Variants in MYH15 observed in about 807,000 individuals in gnomAD.
MYH15 encodes myosin heavy chain 15.
In MYH15, 227 loss-of-function variants were observed where a neutral mutation model predicts 240.5. The ratio of observed to expected loss-of-function variants is 0.94; its 90% CI spans 0.85 to 1.05. The LOEUF (loss-of-function observed/expected upper bound fraction) is 1.05. Ranked by LOEUF, MYH15 falls within the 50% of genes least tolerant of loss-of-function variation. The probability of loss-of-function intolerance (pLI) is 0.00; values close to 1 mark genes in which losing one functional copy is unlikely to be tolerated. For missense variants in MYH15, 2,217 were observed against 2,247.5 expected (o/e 0.99, Z 0.27); for synonymous variants, 785 against 796.7 (o/e 0.99, Z 0.25).
intron 5 of MYH15, among the ~76,000 whole-genome samples, chr3:108,498,596 A>C (rs967784886): frequency 1.3e-5 from 2 of 152,206 alleles, no homozygotes; most frequent in Non-Finnish European, 2.9e-5. Flanking sequence ...TTTGACAACC[A>C]GCTAACTTTG....
chr3:108,387,677 C>T (rs184934984), intron 38 of MYH15, among the ~76,000 whole-genome samples: 77 of 152,320 alleles, frequency 5.1e-4, no homozygotes, highest in African/African-American at 1.8e-3. Context: ...TCTCCACCTT[C>T]CTCAAAGTAG....
chr3:108,486,630 T>G, intron 9 of MYH15, 104 bp from the exon 10 acceptor site: 1 of 633,940 alleles, frequency 1.6e-6, no homozygotes, highest in African/African-American at 1.8e-5. Flanking sequence ...ATATCATACT[T>G]GTAAACAAGC....
At chr3:108,546,804 T>C in the MYH15 span, among the ~76,000 whole-genome samples, 1 of 152,102 alleles carries the variant, frequency 6.6e-6, no homozygotes, top group South Asian at 2.1e-4. Flanking sequence ...TGGGGTAGTT[T>C]TGAAATATTT....
At position 108,401,031 on chromosome 3, in the gene MYH15, C is replaced by T. The variant is rs1428158978; in HGVS notation, c.4737-1764G>A. 2.0e-5 allele frequency among the ~76,000 whole-genome samples: 3 copies of T among 152,162 alleles called. No homozygotes were observed. In the South Asian group the frequency reaches 6.2e-4, roughly 32 times the overall value. ...CTGCCAACCCCATCTCCCTGGTCCT[C>T]ACAAGCTGAGGTTGGTATCTCATGC... On this transcript the variant is annotated intron_variant, in intron 33 of 40. Coordinates refer to ENST00000693548, the MANE Select transcript of MYH15 (RefSeq NM_014981.3).
chr3:108,393,950 C>G (rs2082439545), intron 36 of MYH15, 81 bp downstream of exon 36: 1 of 1,583,226 alleles, frequency 6.3e-7, no homozygotes, highest in African/African-American at 1.4e-5. Flanking sequence ...TACTTTTTGG[C>G]TGCAGATGTG....
upstream of MYH15, among the ~76,000 whole-genome samples, chr3:108,511,724 G>A (rs767945434): frequency 1.3e-5 from 2 of 152,186 alleles, no homozygotes; most frequent in Non-Finnish European, 2.9e-5. Flanking sequence ...GCTTAGCTCA[G>A]GTGCTGTCTT....
In MYH15 at chr3:108,381,514, TC is replaced by T. The variant is rs754075706; in HGVS notation, c.*30del. 4 of 1,612,506 alleles carry T rather than the reference TC, an allele frequency of 2.5e-6. No individual in the cohort carries two copies. In the Admixed American group the frequency reaches 6.7e-5, roughly 27 times the overall value. ...TGAAACAGCACCTTCCTTGTACTTC[TC>T]CAGCTGTTGTCCTTTCAAAGCAGGG... On this transcript the variant is annotated 3_prime_UTR_variant, in exon 41 of 41. Coordinates refer to ENST00000693548, the MANE Select transcript of MYH15 (RefSeq NM_014981.3).
At chr3:108,457,704 G>T (rs577866854) in intron 18 of MYH15, among the ~76,000 whole-genome samples, 2 of 151,960 alleles carry the variant, frequency 1.3e-5, no homozygotes, top group Non-Finnish European at 2.9e-5. Flanking sequence ...TTCTATACTC[G>T]AATCCCTTTC....
chr3:108,525,510 C>CT, intron 1 of MYH15, among the ~76,000 whole-genome samples: 1 of 152,162 alleles, frequency 6.6e-6, no homozygotes, highest in South Asian at 2.1e-4. Context: ...ACATCTGATG[C>CT]TTTTAGCAAT....
intron 16 of MYH15, among the ~76,000 whole-genome samples, chr3:108,460,634 T>C (rs2083064187): frequency 6.6e-6 from 1 of 152,118 alleles, no homozygotes; most frequent in Admixed American, 6.6e-5. Flanking sequence ...AAAATAAAAT[T>C]CATCAACAAA....
At chr3:108,436,530 T>C (rs1267711925) in intron 25 of MYH15, among the ~76,000 whole-genome samples, 4 of 152,196 alleles carry the variant, frequency 2.6e-5, no homozygotes, top group African/African-American at 9.6e-5. Context: ...ACCATTGATA[T>C]ACTACTATCT....
chr3:108,441,534 G>A (rs1418056517), intron 22 of MYH15, among the ~76,000 whole-genome samples: 1 of 152,108 alleles, frequency 6.6e-6, no homozygotes, highest in Non-Finnish European at 1.5e-5. Flanking sequence ...AATCCTGGTG[G>A]CCTAAAGGAG....
intron 25 of MYH15, among the ~76,000 whole-genome samples, chr3:108,436,362 A>T (rs1418499071): frequency 6.6e-6 from 1 of 152,150 alleles, no homozygotes; most frequent in East Asian, 1.9e-4. Flanking sequence ...CGCTTGTTTC[A>T]TCGTTTCTAA....
chr3:108,457,894 C>T (rs538490937), intron 18 of MYH15, among the ~76,000 whole-genome samples: 4 of 152,078 alleles, frequency 2.6e-5, no homozygotes, highest in East Asian at 3.9e-4. Context: ...ATTAGCCAGG[C>T]GTGGTGGTAC....
At chr3:108,512,617 G>A (rs913139526), upstream of MYH15, among the ~76,000 whole-genome samples, 1 of 152,196 alleles carries the variant, frequency 6.6e-6, no homozygotes, top group Non-Finnish European at 1.5e-5. Flanking sequence ...AGATGGGTGG[G>A]AGAAGGAGAG....
intron 9 of MYH15, 78 bp from the exon 10 acceptor site, chr3:108,486,604 G>C (rs754670822): frequency 3.5e-4 from 328 of 939,134 alleles, no homozygotes; most frequent in Non-Finnish European, 1.1e-4. Context: ...AATATTCGCA[G>C]TTTAGTCTAC....
intron 27 of MYH15, among the ~76,000 whole-genome samples, chr3:108,426,814 G>C (rs1355248955): frequency 3.4e-5 from 5 of 145,990 alleles, no homozygotes; most frequent in South Asian, 4.3e-4. Flanking sequence ...GCTCCTGCCA[G>C]GGGGGGGCAG....
intron 18 of MYH15, among the ~76,000 whole-genome samples, chr3:108,457,492 G>A (rs139731720): frequency 2.0e-5 from 3 of 152,252 alleles, no homozygotes; most frequent in Admixed American, 6.5e-5. Flanking sequence ...CTCTACTGCA[G>A]CTGTCAGCTG....
Position 108,501,761 on chromosome 3 carries a change from G to A in MYH15, c.290C>T (p.Ala97Val). Residue 97 changes from alanine (A) to valine (V), a missense_variant, in exon 3 of 41, where the codon GCA becomes GTA. By Grantham distance (64) the Ala-to-Val change is moderately conservative. Transcript: ENST00000693548. ...CCGCTTCAGGGTATGCAGCACGGAT[G>A]CCTCATTGAGGTGAGTCAGCATTGC... ...DMAMLTHLNE[A>V]SVLHTLKRRY... 6.2e-7 allele frequency: 1 copy of A among 1,614,100 alleles called. No homozygotes were observed. The highest frequency in any genetic ancestry group is 8.5e-7 in the Non-Finnish European group (1 of 1,179,974).
Sources: allele counts gnomAD v4.1 joint callset (sites outside exome capture counted in the v4.1 genomes callset), GRCh38; gene constraint gnomAD v4.1.1; transcripts MANE v1.5; gene names NCBI Gene and HGNC (gene_info 2026-07-23, HGNC 2026-07-21).